Variants in EIF3J observed in about 807,000 individuals in gnomAD.
EIF3J encodes eukaryotic translation initiation factor 3 subunit J.
EIF3J carries 15 observed loss-of-function variants against 39.0 expected under a neutral mutation model. The observed-to-expected ratio is 0.38, with a 90% confidence interval of 0.26 to 0.59. EIF3J has a LOEUF of 0.59. Among genes scored for constraint, EIF3J ranks in the 20% least tolerant of loss-of-function variants. The probability of loss-of-function intolerance (pLI) is 0.60; values close to 1 mark genes in which losing one functional copy is unlikely to be tolerated. For synonymous variants in EIF3J, 98 were observed against 112.9 expected (o/e 0.87, Z 0.84); for missense variants, 226 against 308.6 (o/e 0.73, Z 2.00).
rs1306546364 is a variant in EIF3J, at chr15:44,562,529, G to A, written c.*1380G>A. 6.6e-6 allele frequency: 1 copy of A among 152,624 alleles called. No homozygotes were observed. The highest frequency in any genetic ancestry group is 2.4e-5 in the African/African-American group (1 of 41,418). 9.5% of individuals were successfully genotyped at this position (152,624 alleles called of 1,614,324 possible). On this transcript the variant is annotated 3_prime_UTR_variant, in exon 8 of 8. Coordinates refer to ENST00000261868, the MANE Select transcript of EIF3J (RefSeq NM_003758.4). ...CTCTTATATAGGAAATAATAGGAAC[G>A]TCAAAGCTCTGTATACCTACTAAGT...
intron 2 of EIF3J, among the ~76,000 whole-genome samples, chr15:44,547,448 T>C (rs548301385): frequency 4.3e-4 from 61 of 142,702 alleles, no homozygotes; most frequent in Non-Finnish European, 8.2e-4. Flanking sequence ...TTCTTTTTTT[T>C]TTTTTTTTTT....
intron 6 of EIF3J, chr15:44,559,234 A>AT (rs1351452178): frequency 2.9e-5 from 3 of 104,496 alleles, no homozygotes; most frequent in African/African-American, 3.3e-5. Flanking sequence ...CCTCATCTCT[A>AT]TTAAAAAAAA....
intron 2 of EIF3J, among the ~76,000 whole-genome samples, chr15:44,541,096 G>A (rs1476154400): frequency 1.3e-5 from 2 of 152,154 alleles, no homozygotes; most frequent in Non-Finnish European, 2.9e-5. Flanking sequence ...TGAGAACTCG[G>A]GAGCATAGTT....
At chr15:44,557,459 A>G (rs1259478536) in intron 5 of EIF3J, 30 bp from the exon 6 acceptor site, 26 of 1,476,024 alleles carry the variant, frequency 1.8e-5, no homozygotes, top group Non-Finnish European at 2.3e-5. Flanking sequence ...TAACCTCCTG[A>G]TACTTTTCAG....
chr15:44,553,788 A>T (rs2082120873), intron 4 of EIF3J, among the ~76,000 whole-genome samples: 2 of 152,208 alleles, frequency 1.3e-5, no homozygotes, highest in African/African-American at 4.8e-5. Flanking sequence ...TTCTTAAGGT[A>T]AATACCTGGA....
intron 2 of EIF3J, among the ~76,000 whole-genome samples, chr15:44,539,026 CTTTT>C (rs942051829): frequency 2.2e-5 from 3 of 136,282 alleles, no homozygotes; most frequent in Admixed American, 7.4e-5. Flanking sequence ...GAATATAATT[CTTTT>C]TTTTTTTTTT....
At chr15:44,545,318 C>A (rs540224800) in intron 2 of EIF3J, among the ~76,000 whole-genome samples, 55 of 152,230 alleles carry the variant, frequency 3.6e-4, no homozygotes, top group African/African-American at 1.3e-3. Context: ...GTGTTTAAAA[C>A]ATGCTTTTTA....
intron 2 of EIF3J, among the ~76,000 whole-genome samples, chr15:44,544,923 G>A (rs1041752192): frequency 2.0e-5 from 3 of 151,774 alleles, no homozygotes; most frequent in South Asian, 2.1e-4. Flanking sequence ...AAAATTGCTT[G>A]AACCTAGGAG....
chr15:44,539,602 G>A (rs1005019698), intron 2 of EIF3J, among the ~76,000 whole-genome samples: 3 of 151,366 alleles, frequency 2.0e-5, no homozygotes, highest in Admixed American at 2.0e-4. Flanking sequence ...GGGTTTCACC[G>A]TGTTAGCCAG....
Position 44,551,444 on chromosome 15 carries a change from A to G in EIF3J, c.216A>G (p.Ser72=). ...EAEVKPEVKI[S]EKKKIAEKIK... ...TTTTACTTTTAGAGGTAAAAATTTC[A>G]GAAAAGAAAAAAATAGCAGAGAAGA... Residue 72 remains serine, a synonymous_variant, in exon 4 of 8, where the codon TCA becomes TCG. Transcript: ENST00000261868. The G allele has an allele frequency of 6.3e-7, 1 of 1,579,934 alleles. No homozygotes were observed. Among genetic ancestry groups the G allele is most frequent in the Non-Finnish European group, 8.6e-7 (1 of 1,168,466 alleles).
chr15:44,552,567 C>CAT (rs1248348443), intron 4 of EIF3J, among the ~76,000 whole-genome samples: 1 of 141,448 alleles, frequency 7.1e-6, no homozygotes. Flanking sequence ...CTTTTCTTTT[C>CAT]TTTTTTTTTT....
At position 44,547,599 on chromosome 15, in the gene EIF3J, C is replaced by G. The variant is rs1405606036; in HGVS notation, c.148-3277C>G. ...AAGTAGTTGGGATTATAGGTGTCTG[C>G]CACCACGCCCAGCTAATTTTTTGTA... is the stretch of plus-strand genomic sequence containing the variant. On this transcript the variant is annotated intron_variant, in intron 2 of 7. Coordinates refer to ENST00000261868, the MANE Select transcript of EIF3J (RefSeq NM_003758.4). 3.3e-5 allele frequency among the ~76,000 whole-genome samples: 5 copies of G among 151,970 alleles called. 1 individual carries two copies. In the East Asian group the frequency reaches 9.7e-4, roughly 29 times the overall value.
intron 7 of EIF3J, 148 bp from the exon 8 acceptor site, chr15:44,560,870 G>A (rs1567121210): frequency 1.2e-5 from 14 of 1,131,740 alleles, no homozygotes; most frequent in Non-Finnish European, 1.2e-5. Context: ...ACCTGTTCAG[G>A]TCCAAAACAT....
At chr15:44,537,545 G>C in intron 2 of EIF3J, 118 bp downstream of exon 2, 5 of 1,070,160 alleles carry the variant, frequency 4.7e-6, no homozygotes, top group Admixed American at 3.8e-5. Flanking sequence ...GCGAGCATAG[G>C]GCCTGGCGGT....
chr15:44,544,452 C>A (rs1043586199), intron 2 of EIF3J, among the ~76,000 whole-genome samples: 1 of 149,224 alleles, frequency 6.7e-6, no homozygotes, highest in Admixed American at 6.7e-5. Flanking sequence ...CACCTGTAAT[C>A]CCAACACTTT....
intron 2 of EIF3J, among the ~76,000 whole-genome samples, chr15:44,540,367 G>A (rs921713140): frequency 6.6e-6 from 1 of 150,796 alleles, no homozygotes; most frequent in Non-Finnish European, 1.5e-5. Flanking sequence ...GCCTCCCAGA[G>A]TGCTGGGATT....
intron 2 of EIF3J, among the ~76,000 whole-genome samples, chr15:44,544,320 A>G (rs1595799594): frequency 6.8e-6 from 1 of 148,050 alleles, no homozygotes; most frequent in Non-Finnish European, 1.5e-5. Context: ...CTGGTCTTGA[A>G]CTCCTGAACT....
At chr15:44,553,312 G>A (rs1305003723) in intron 4 of EIF3J, among the ~76,000 whole-genome samples, 1 of 151,968 alleles carries the variant, frequency 6.6e-6, no homozygotes. Context: ...CTAACACGGT[G>A]AAACCCCGTC....
At chr15:44,547,112 TAG>T (rs1338197890) in intron 2 of EIF3J, among the ~76,000 whole-genome samples, 1 of 145,480 alleles carries the variant, frequency 6.9e-6, no homozygotes, top group African/African-American at 2.6e-5. Flanking sequence ...TGCCCTGAGT[TAG>T]AGAGTGGGAT....
Sources: gnomAD v4.1 joint callset for allele counts (sites outside exome capture counted in the v4.1 genomes callset) on GRCh38, gnomAD v4.1.1 for gene constraint, MANE v1.5 for transcripts, NCBI Gene and HGNC (gene_info 2026-07-23, HGNC 2026-07-21) for gene names.